The following TENM3 variants were observed in gnomAD, a reference collection of about 807,000 sequenced individuals.
TENM3 encodes teneurin-3.
A neutral mutation model predicts 255.1 loss-of-function variants in TENM3; 63 were observed. That is an observed-to-expected ratio of 0.25 (90% confidence interval 0.20 to 0.30). TENM3 has a LOEUF of 0.30. Ranked by LOEUF, TENM3 falls within the 10% of genes least tolerant of loss-of-function variation. The pLI is 1.00. For synonymous variants in TENM3, 1,306 were observed against 1,322.3 expected (o/e 0.99, Z 0.27); for missense variants, 2,929 against 3,461.1 (o/e 0.85, Z 3.86).
At chr4:181,799,421 C>G in the TENM3 span, among the ~76,000 whole-genome samples, 2 of 152,212 alleles carry the variant, frequency 1.3e-5, no homozygotes, top group Non-Finnish European at 2.9e-5. Flanking sequence ...ACAAACGTAT[C>G]TATAATTTAA....
At chr4:181,505,533 C>T in the TENM3 span, among the ~76,000 whole-genome samples, 1 of 152,108 alleles carries the variant, frequency 6.6e-6, no homozygotes, top group Non-Finnish European at 1.5e-5. Context: ...TGCAGTGATA[C>T]ACCGCAGCAT....
the TENM3 span, among the ~76,000 whole-genome samples, chr4:182,100,530 CACACATAT>C: frequency 7.3e-6 from 1 of 137,202 alleles, no homozygotes. Context: ...CATATATATA[CACACATAT>C]ATATATACAC....
At chr4:181,901,432 C>G in the TENM3 span, among the ~76,000 whole-genome samples, 6 of 152,306 alleles carry the variant, frequency 3.9e-5, no homozygotes, top group East Asian at 1.2e-3. Flanking sequence ...AATTCAATAT[C>G]TGATCTCCCA....
chr4:182,788,048 G>GTT (rs1266205990), intron 24 of TENM3, among the ~76,000 whole-genome samples: 1 of 152,202 alleles, frequency 6.6e-6, no homozygotes, highest in Non-Finnish European at 1.5e-5. Flanking sequence ...AACGTGAGTG[G>GTT]TTGTGTGTGT....
At chr4:182,107,291 TACAGTCTC>T in the TENM3 span, among the ~76,000 whole-genome samples, 1 of 152,102 alleles carries the variant, frequency 6.6e-6, no homozygotes, top group Non-Finnish European at 1.5e-5. Context: ...CCCAGGAGGA[TACAGTCTC>T]ATCTGCTCAT....
the TENM3 span, among the ~76,000 whole-genome samples, chr4:181,953,089 G>T: frequency 2.0e-5 from 3 of 152,198 alleles, no homozygotes; most frequent in African/African-American, 7.2e-5. Context: ...ACACTGAAGT[G>T]TAAGGGGTGA....
the TENM3 span, among the ~76,000 whole-genome samples, chr4:181,727,000 G>A: frequency 1.3e-5 from 2 of 152,200 alleles, no homozygotes; most frequent in African/African-American, 2.4e-5. Context: ...ATACAGAAGG[G>A]AGAGGTATGC....
At chr4:181,865,689 T>C in the TENM3 span, among the ~76,000 whole-genome samples, 2 of 152,218 alleles carry the variant, frequency 1.3e-5, no homozygotes, top group Non-Finnish European at 2.9e-5. Context: ...TTTTTTCCAC[T>C]CTGTCTATTT....
At chr4:182,702,800 C>T (rs896593347) in intron 12 of TENM3, among the ~76,000 whole-genome samples, 8 of 151,080 alleles carry the variant, frequency 5.3e-5, no homozygotes, top group Admixed American at 3.3e-4. Context: ...TGCAGTGGTG[C>T]GATCTCGGCT....
the TENM3 span, among the ~76,000 whole-genome samples, chr4:181,625,320 G>A: frequency 6.6e-6 from 1 of 152,154 alleles, no homozygotes; most frequent in Non-Finnish European, 1.5e-5. Flanking sequence ...GTTTGCTTCT[G>A]TTACAAATGG....
the TENM3 span, among the ~76,000 whole-genome samples, chr4:182,022,742 A>G: frequency 1.3e-5 from 2 of 152,086 alleles, no homozygotes; most frequent in Non-Finnish European, 2.9e-5. Flanking sequence ...GAGAGGGAAA[A>G]ATAGTATATC....
At chr4:182,307,418 G>A (rs1257670542) in intron 1 of TENM3, among the ~76,000 whole-genome samples, 4 of 152,152 alleles carry the variant, frequency 2.6e-5, no homozygotes, top group African/African-American at 9.7e-5. Flanking sequence ...GTTGCAGAAG[G>A]GTTGCCTCTG....
At chr4:182,168,882 G>T (rs76973941) in intron 1 of TENM3, among the ~76,000 whole-genome samples, 1 of 151,928 alleles carries the variant, frequency 6.6e-6, no homozygotes, top group Non-Finnish European at 1.5e-5. Flanking sequence ...AAAAATTCAT[G>T]TATATGTTCT....
intron 2 of TENM3, among the ~76,000 whole-genome samples, chr4:182,343,600 A>G (rs1403285442): frequency 6.6e-6 from 1 of 152,034 alleles, no homozygotes; most frequent in Non-Finnish European, 1.5e-5. Context: ...GCACTGCCAT[A>G]AAGCCCTCCC....
the TENM3 span, among the ~76,000 whole-genome samples, chr4:181,702,527 C>T: frequency 1.3e-5 from 2 of 152,154 alleles, no homozygotes; most frequent in African/African-American, 4.8e-5. Flanking sequence ...GAAAGTAATT[C>T]GATCAGATAT....
the TENM3 span, among the ~76,000 whole-genome samples, chr4:182,089,725 A>G: frequency 1.3e-5 from 2 of 152,194 alleles, no homozygotes; most frequent in Non-Finnish European, 2.9e-5. Flanking sequence ...TTCAAAATAA[A>G]CAATATTTGC....
In TENM3 at chr4:182,680,568, C is replaced by T; in HGVS notation, c.1665C>T (p.Gly555=). The change falls in exon 10 of 28, where the codon GGC becomes GGT. Residue 555 remains glycine, a synonymous_variant. Transcript: ENST00000511685. ...SRAACPVLCS[G]NGQYSKGRCL... is the part of the protein sequence containing the mutation. ...CCGCCTGTCCAGTGTTATGTAGTGG[C>T]AACGGGCAGTACTCCAAGGGCCGCT... 7 of 1,613,588 alleles carry T rather than the reference C, an allele frequency of 4.3e-6. No individual in the cohort carries two copies. The highest frequency in any genetic ancestry group is 5.9e-6 in the Non-Finnish European group (7 of 1,179,830).
At chr4:182,058,945 CGTGTGTGTGT>C in the TENM3 span, among the ~76,000 whole-genome samples, 22 of 139,132 alleles carry the variant, frequency 1.6e-4, no homozygotes, top group Admixed American at 8.6e-4. Context: ...AGTCATAGCT[CGTGTGTGTGT>C]GTGTGTGTGT....
the TENM3 span, among the ~76,000 whole-genome samples, chr4:181,933,710 G>C: frequency 6.6e-6 from 1 of 152,142 alleles, no homozygotes; most frequent in African/African-American, 2.4e-5. Flanking sequence ...ATTGTAACCA[G>C]ATTTGACCTG....
Sources: gnomAD v4.1 joint callset for allele counts (sites outside exome capture counted in the v4.1 genomes callset) on GRCh38, gnomAD v4.1.1 for gene constraint, MANE v1.5 for transcripts, NCBI Gene and HGNC (gene_info 2026-07-23, HGNC 2026-07-21) for gene names.